Variants in MARCHF4 observed in about 807,000 individuals in gnomAD.
MARCHF4 encodes the protein E3 ubiquitin-protein ligase MARCHF4.
A neutral mutation model predicts 43.9 loss-of-function variants in MARCHF4; 14 were observed. The ratio of observed to expected loss-of-function variants is 0.32; its 90% CI spans 0.21 to 0.50. The LOEUF is 0.50. Among genes scored for constraint, MARCHF4 ranks in the 20% least tolerant of loss-of-function variants. The probability of loss-of-function intolerance (pLI) is 0.98; values close to 1 mark genes in which losing one functional copy is unlikely to be tolerated. For missense variants in MARCHF4, 468 were observed against 536.7 expected (o/e 0.87, Z 1.27); for synonymous variants, 226 against 213.3 (o/e 1.06, Z -0.52).
chr2:216,337,935 G>C (rs1157420497), intron 1 of MARCHF4, among the ~76,000 whole-genome samples: 1 of 152,200 alleles, frequency 6.6e-6, no homozygotes, highest in East Asian at 1.9e-4. Flanking sequence ...TCTAGTGGAA[G>C]AGACAGATAT....
At chr2:216,329,474 A>G (rs551890190) in intron 1 of MARCHF4, among the ~76,000 whole-genome samples, 1 of 152,298 alleles carries the variant, frequency 6.6e-6, no homozygotes, top group African/African-American at 2.4e-5. Flanking sequence ...AAATGGGAAA[A>G]ATATCAACTT....
At chr2:216,344,418 A>G (rs1692282733) in intron 1 of MARCHF4, among the ~76,000 whole-genome samples, 2 of 152,156 alleles carry the variant, frequency 1.3e-5, no homozygotes, top group African/African-American at 4.8e-5. Flanking sequence ...CAAATGGGGA[A>G]GGGCCCAAAG....
chr2:216,322,839 G>A (rs1453190471), intron 1 of MARCHF4, among the ~76,000 whole-genome samples: 2 of 152,090 alleles, frequency 1.3e-5, no homozygotes, highest in African/African-American at 2.4e-5. Context: ...AAAAGAACCG[G>A]TCTCAAGATA....
intron 1 of MARCHF4, among the ~76,000 whole-genome samples, chr2:216,310,754 CT>C (rs1193937505): frequency 6.6e-6 from 1 of 152,106 alleles, no homozygotes; most frequent in Admixed American, 6.5e-5. Flanking sequence ...TTTTAAGTCT[CT>C]TCTTACAGTC....
At chr2:216,347,135 A>C (rs556685507) in intron 1 of MARCHF4, among the ~76,000 whole-genome samples, 1 of 152,298 alleles carries the variant, frequency 6.6e-6, no homozygotes, top group East Asian at 1.9e-4. Context: ...GAGCCAACTA[A>C]ACCTATTTTC....
At position 216,283,670 on chromosome 2, in the gene MARCHF4, G is replaced by C; in HGVS notation, c.576C>G (p.Cys192Trp). 1 of 1,613,634 alleles carries C rather than the reference G, an allele frequency of 6.2e-7. No homozygotes were observed. Among genetic ancestry groups the C allele is most frequent in the East Asian group, 2.2e-5 (1 of 44,876 alleles). Residue 192 changes from cysteine (C) to tryptophan (W), a missense_variant, in exon 2 of 4, where the codon TGC (cysteine) becomes TGG (tryptophan). This residue lies in a region of MARCHF4 where 158 missense variants were observed against 251.1 expected (regional missense o/e 0.63). Transcript: ENST00000273067. ...DGSVKCTHQPCLIKWISERGC... is the reference protein window; with the variant it reads ...DGSVKCTHQPWLIKWISERGC... ...CCCGCTCGCTGATCCACTTGATGAG[G>C]CAAGGCTGGTGTGTGCACTTGACCG...
chr2:216,307,389 G>A (rs1407895540), intron 1 of MARCHF4, among the ~76,000 whole-genome samples: 4 of 152,124 alleles, frequency 2.6e-5, no homozygotes, highest in African/African-American at 9.7e-5. Context: ...GGAATAGAGG[G>A]AGGGAGAGGG....
intron 1 of MARCHF4, chr2:216,303,749 G>A (rs1224499088): frequency 6.6e-6 from 1 of 152,188 alleles, no homozygotes; most frequent in Non-Finnish European, 1.5e-5. Flanking sequence ...TTTCTCGTTG[G>A]TTAAATGGGA....
chr2:216,259,212 C>T lies in MARCHF4; in HGVS notation c.*100G>A. On this transcript the variant is annotated 3_prime_UTR_variant, in exon 4 of 4. Coordinates refer to ENST00000273067, the MANE Select transcript of MARCHF4 (RefSeq NM_020814.3). ...GGGCTCCCGCCAGGTCCCCCACCCT[C>T]TGCCTGCTCCCTCTGTTGGCTCTGG... 6.7e-7 allele frequency: 1 copy of T among 1,483,246 alleles called. No individual in the cohort carries two copies. The highest frequency in any genetic ancestry group is 8.9e-7 in the Non-Finnish European group (1 of 1,121,308). The allele number at this position is 1,483,246 out of a possible 1,614,324, so 91.9% of individuals were successfully genotyped here.
intron 2 of MARCHF4, 32 bp downstream of exon 2, chr2:216,283,542 C>T (rs775815904): frequency 7.1e-6 from 11 of 1,560,264 alleles, no homozygotes; most frequent in African/African-American, 2.7e-5. Context: ...GCCCCAGGCC[C>T]AGCAACCCCA....
At chr2:216,261,275 G>A (rs1690739686) in intron 3 of MARCHF4, among the ~76,000 whole-genome samples, 2 of 152,222 alleles carry the variant, frequency 1.3e-5, no homozygotes, top group South Asian at 4.2e-4. Flanking sequence ...GGCTTTGAGG[G>A]GGAAGAATCT....
chr2:216,286,532 A>AG (rs1444329048), intron 1 of MARCHF4, among the ~76,000 whole-genome samples: 2 of 151,432 alleles, frequency 1.3e-5, no homozygotes, highest in Non-Finnish European at 2.9e-5. Context: ...AAAAAAAAAA[A>AG]AAGAAGAAGA....
intron 1 of MARCHF4, among the ~76,000 whole-genome samples, chr2:216,307,645 T>C (rs1276347689): frequency 6.6e-6 from 1 of 152,198 alleles, no homozygotes; most frequent in Admixed American, 6.5e-5. Flanking sequence ...CATAGGCAGC[T>C]TCCTGAGCCC....
At chr2:216,278,484 C>T (rs979522814) in intron 2 of MARCHF4, among the ~76,000 whole-genome samples, 1 of 152,202 alleles carries the variant, frequency 6.6e-6, no homozygotes, top group Non-Finnish European at 1.5e-5. Context: ...CTCGGCCTCC[C>T]AAAGTGCTGG....
At chr2:216,348,803 A>G (rs950724485) in intron 1 of MARCHF4, among the ~76,000 whole-genome samples, 1 of 152,216 alleles carries the variant, frequency 6.6e-6, no homozygotes, top group Admixed American at 6.5e-5. Context: ...TAACATTAAC[A>G]TTAGACATAT....
chr2:216,271,894 G>A (rs924348268), intron 3 of MARCHF4, among the ~76,000 whole-genome samples: 1 of 150,790 alleles, frequency 6.6e-6, no homozygotes, highest in African/African-American at 2.5e-5. Flanking sequence ...GTGCTCAAGC[G>A]ATCCTCCTAT....
chr2:216,275,514 G>A (rs1377342503), intron 3 of MARCHF4, among the ~76,000 whole-genome samples: 1 of 152,220 alleles, frequency 6.6e-6, no homozygotes, highest in Non-Finnish European at 1.5e-5. Flanking sequence ...TGGGTTGTGA[G>A]TCAGGAGACC....
intron 1 of MARCHF4, among the ~76,000 whole-genome samples, chr2:216,296,391 C>T (rs1691395342): frequency 6.6e-6 from 1 of 152,084 alleles, no homozygotes; most frequent in Non-Finnish European, 1.5e-5. Flanking sequence ...CCTTTCTGCA[C>T]CTGCCGGCCT....
chr2:216,305,219 T>A (rs1451677303), intron 1 of MARCHF4, among the ~76,000 whole-genome samples: 1 of 152,214 alleles, frequency 6.6e-6, no homozygotes, highest in East Asian at 1.9e-4. Context: ...AATGTGAAGA[T>A]AATCAGGATA....
Sources: allele counts gnomAD v4.1 joint callset (sites outside exome capture counted in the v4.1 genomes callset), GRCh38; gene constraint gnomAD v4.1.1; regional missense constraint gnomAD v4.1.1; transcripts MANE v1.5; gene names NCBI Gene and HGNC (gene_info 2026-07-23, HGNC 2026-07-21).